Variants in AGBL1 observed in about 807,000 individuals in gnomAD.
AGBL1 encodes AGBL carboxypeptidase 1, also known as cytosolic carboxypeptidase 4.
AGBL1 carries 130 observed loss-of-function variants against 118.9 expected under a neutral mutation model. The observed-to-expected ratio is 1.09, with a 90% CI of 0.95 to 1.26. AGBL1 has a LOEUF of 1.26. AGBL1 is among the 50% of genes most tolerant of loss of function. The pLI, the probability that AGBL1 is intolerant of heterozygous loss-of-function variation, is 0.00. For synonymous variants in AGBL1, 555 were observed against 478.9 expected, an observed-to-expected ratio of 1.16 and a Z score of -2.08; for missense variants, 1,584 against 1,298.1, an observed-to-expected ratio of 1.22 and a Z score of -3.38.
intron 17 of AGBL1, among the ~76,000 whole-genome samples, chr15:86,318,496 T>C (rs2080052391): frequency 6.6e-6 from 1 of 152,130 alleles, no homozygotes; most frequent in Non-Finnish European, 1.5e-5. Context: ...TCAATGTTTT[T>C]TTTTTTCCCA....
chr15:86,907,421 C>G lies in AGBL1; in HGVS notation c.*127C>G, dbSNP rs34252973. The G allele has an allele frequency of 0.046, 7,074 of 152,344 alleles. 214 individuals are homozygous for G. Among genetic ancestry groups the G allele is most frequent in the Admixed American group, 0.081 (1,242 of 15,302 alleles). The allele number at this position is 152,344 out of a possible 1,614,324, so 9.4% of individuals were successfully genotyped here. A position where few individuals can be genotyped will look rare whatever the true frequency, so the allele number is the denominator to read the frequency against. The stretch of plus-strand genomic sequence containing the variant: ...TGCAAAAAGCCAGCCTGTGTGAGCT[C>G]AGCAACCCCATTTCCAGATTTTGTT... On this transcript the variant is annotated 3_prime_UTR_variant, in exon 23 of 23. Transcript: ENST00000614907.
rs369817008 is a variant in AGBL1, at chr15:86,546,066, A to T, written c.2750A>T (p.Lys917Met). 1 of 1,613,438 alleles carries T rather than the reference A, an allele frequency of 6.2e-7. No individual in the cohort carries two copies. The highest frequency in any genetic ancestry group is 8.5e-7 in the Non-Finnish European group (1 of 1,179,576). ...KNVFLYGCSI[K>M]ETLWQAACTV... ...GTGTTCCTTTATGGCTGTAGCATCA[A>T]GGAAACCTTGTGGCAAGCAGCATGC... The change falls in exon 20 of 23, where the codon AAG (lysine) becomes ATG (methionine). Residue 917 changes from lysine (K) to methionine (M), a missense_variant. By Grantham distance (95) the Lys-to-Met change is moderately conservative (BLOSUM62 -1). Coordinates refer to ENST00000614907, the MANE Select transcript of AGBL1 (RefSeq NM_001386094.1).
intron 18 of AGBL1, among the ~76,000 whole-genome samples, chr15:86,471,538 C>T (rs1293748367): frequency 1.3e-5 from 2 of 148,324 alleles, no homozygotes; most frequent in Non-Finnish European, 3.0e-5. Flanking sequence ...TCTGGCTTTG[C>T]TATCAGATCA....
chr15:86,566,393 T>G (rs1375175067), intron 21 of AGBL1, among the ~76,000 whole-genome samples: 1 of 152,200 alleles, frequency 6.6e-6, no homozygotes, highest in Non-Finnish European at 1.5e-5. Flanking sequence ...CCTTTTCATT[T>G]TATTCTTGCT....
intron 24 of AGBL1, among the ~76,000 whole-genome samples, chr15:87,009,143 C>T (rs1461498744): frequency 6.6e-6 from 1 of 152,140 alleles, no homozygotes; most frequent in African/African-American, 2.4e-5. Flanking sequence ...AGCAGCCCCT[C>T]CCATCACAGG....
chr15:86,650,258 C>G (rs2085348199), intron 21 of AGBL1, among the ~76,000 whole-genome samples: 1 of 152,098 alleles, frequency 6.6e-6, no homozygotes, highest in Non-Finnish European at 1.5e-5. Flanking sequence ...TGCCAGCTTC[C>G]TTATTACTAA....
intron 21 of AGBL1, chr15:86,556,182 G>C (rs770641924): frequency 6.5e-7 from 1 of 1,529,626 alleles, no homozygotes. Context: ...AAAATGAAAT[G>C]ACTCATAGGT....
rs57988335 is a variant in AGBL1 at position 86,318,696 on chromosome 15, A to ATTTT, written c.2374+23310_2374+23313dup. ...ATTTGAAGGGTAGAGTTGATCATAG[A>ATTTT]TTTTTTTTTTTTTTTTTTTTTTTTT... is the stretch of plus-strand genomic sequence containing the variant. On this transcript the variant is annotated intron_variant, in intron 17 of 22. Transcript: ENST00000614907. Among the ~76,000 whole-genome samples, 142 of 81,966 alleles carry ATTTT rather than the reference A, an allele frequency of 1.7e-3. 1 individual carries two copies. Among genetic ancestry groups the ATTTT allele is most frequent in the African/African-American group, 5.0e-3 (103 of 20,518 alleles). 53.8% of individuals were successfully genotyped at this position (81,966 alleles called of 152,430 possible).
chr15:86,527,170 G>A lies in AGBL1; in HGVS notation c.2685+4231G>A, dbSNP rs77656846. ...ATTTGAAAAAAGTATGTTTCTCTGA[G>A]TAGAAAGCTTTAGCTTCTAAGAGGA... On this transcript the variant is annotated intron_variant, in intron 19 of 22. Transcript: ENST00000614907. 3.3e-5 allele frequency among the ~76,000 whole-genome samples: 5 copies of A among 152,270 alleles called. No individual in the cohort carries two copies. The East Asian group carries it at 9.7e-4, about 29-fold the overall frequency.
intron 21 of AGBL1, among the ~76,000 whole-genome samples, chr15:86,614,786 A>C (rs1200810213): frequency 6.6e-6 from 1 of 152,246 alleles, no homozygotes; most frequent in African/African-American, 2.4e-5. Context: ...TAATGAAGGA[A>C]TGAAGTGGAA....
intron 11 of AGBL1, among the ~76,000 whole-genome samples, 163 bp from the exon 12 acceptor site, chr15:86,266,211 A>G (rs561395596): frequency 8.6e-4 from 131 of 152,356 alleles, no homozygotes; most frequent in Non-Finnish European, 1.6e-3. Context: ...GAAGAAGGGC[A>G]GGGCTATTTG....
intron 21 of AGBL1, among the ~76,000 whole-genome samples, chr15:86,599,993 A>G (rs750264494): frequency 1.2e-4 from 18 of 152,138 alleles, no homozygotes; most frequent in Non-Finnish European, 2.4e-4. Context: ...GCCTACTTAA[A>G]TTGGCAGTAC....
At chr15:86,796,493 A>C (rs1227248542) in intron 22 of AGBL1, among the ~76,000 whole-genome samples, 1 of 152,172 alleles carries the variant, frequency 6.6e-6, no homozygotes, top group East Asian at 1.9e-4. Context: ...CCTCTAACCA[A>C]ATGTAAGTCA....
intron 21 of AGBL1, among the ~76,000 whole-genome samples, chr15:86,665,250 T>G (rs765507788): frequency 1.3e-5 from 2 of 152,320 alleles, no homozygotes; most frequent in East Asian, 3.9e-4. Context: ...ATTTTACGAT[T>G]ATTTCCTTAA....
chr15:86,880,799 G>T (rs528202663), intron 22 of AGBL1, among the ~76,000 whole-genome samples: 2 of 152,152 alleles, frequency 1.3e-5, no homozygotes, highest in South Asian at 4.1e-4. Flanking sequence ...GCACGTGTGT[G>T]TGTGTATAGG....
chr15:87,006,620 C>T (rs28509242), intron 24 of AGBL1, among the ~76,000 whole-genome samples: 15,068 of 152,162 alleles, frequency 0.099, 1,330 homozygotes, highest in African/African-American at 0.23. Context: ...AAAGGGAATT[C>T]CCTGACCCCT....
chr15:86,171,960 T>A lies in AGBL1; in HGVS notation c.488+12934T>A, dbSNP rs188744486. ...CAAGAATAAAAAACCAAACATCTTA[T>A]GTTCTCACTCGTAAGTGGGAGCCAA... On this transcript the variant is annotated intron_variant, in intron 5 of 22. Coordinates refer to ENST00000614907, the MANE Select transcript of AGBL1 (RefSeq NM_001386094.1). Among the ~76,000 whole-genome samples, 235 of 152,366 alleles carry A rather than the reference T, an allele frequency of 1.5e-3. 1 individual carries two copies. Among genetic ancestry groups the A allele is most frequent in the African/African-American group, 5.3e-3 (222 of 41,578 alleles).
chr15:86,201,232 C>T (rs1225416779), intron 5 of AGBL1, among the ~76,000 whole-genome samples: 1 of 152,052 alleles, frequency 6.6e-6, no homozygotes. Flanking sequence ...CAATCAAGAC[C>T]TAGGAAAGAT....
chr15:86,996,603 AAGCATATACCT>A (rs1340236418), intron 24 of AGBL1, among the ~76,000 whole-genome samples: 2 of 152,192 alleles, frequency 1.3e-5, no homozygotes, highest in African/African-American at 4.8e-5. Context: ...CCTTGTCTCA[AAGCATATACCT>A]AGCATATACC....
Sources: gnomAD v4.1 joint callset for allele counts (sites outside exome capture counted in the v4.1 genomes callset) on GRCh38, gnomAD v4.1.1 for gene constraint, MANE v1.5 for transcripts, NCBI Gene and HGNC (gene_info 2026-07-23, HGNC 2026-07-21) for gene names.